Variants in EZR observed in about 807,000 individuals in gnomAD.
The protein encoded by EZR is cytovillin 2.
A neutral mutation model predicts 74.8 loss-of-function variants in EZR; 40 were observed. That is an observed-to-expected ratio of 0.53 (90% CI 0.42 to 0.70). The LOEUF (loss-of-function observed/expected upper bound fraction) is 0.70, where lower values mean the gene tolerates loss of function less well. Ranked by LOEUF, EZR falls within the 30% of genes least tolerant of loss-of-function variation. The probability of loss-of-function intolerance (pLI) is 0.00; values close to 1 mark genes in which losing one functional copy is unlikely to be tolerated. For synonymous variants in EZR, 341 were observed against 283.3 expected, an observed-to-expected ratio of 1.20 and a Z score of -2.05; for missense variants, 678 against 755.8, an observed-to-expected ratio of 0.90 and a Z score of 1.21.
chr6:158,815,470 C>CA (rs1273188506), intron 2 of EZR, among the ~76,000 whole-genome samples: 2 of 151,990 alleles, frequency 1.3e-5, no homozygotes, highest in Non-Finnish European at 2.9e-5. Context: ...GGAAGCCTCT[C>CA]AAAAAAGGGG....
At position 158,767,016 on chromosome 6, in the gene EZR, G is replaced by A. The variant is rs747173913; in HGVS notation, c.1659C>T (p.Ile553=). Residue 553 remains isoleucine, a synonymous_variant, in exon 14 of 14, where the codon ATC becomes ATT. Transcript: ENST00000367075. ...DENKRTHNDI[I]HNENMRQGRD... ...GGCCTTGCCTCATGTTCTCGTTGTG[G>A]ATGATGTCATTGTGGGTCCTCTTAT... 7 of 1,614,200 alleles carry A rather than the reference G, an allele frequency of 4.3e-6. No homozygotes were observed. The South Asian group carries it at 6.6e-5, about 15-fold the overall frequency.
Position 158,818,001 on chromosome 6 carries a change from T to C in EZR, c.12+81A>G, listed in dbSNP as rs1389753943. ...GAGAAGAACCCTGTTCCCCAGGAAC[T>C]GCCCCAACACCTCGAGCAGGTGCCT... On this transcript the variant is annotated intron_variant, in intron 2 of 13. Coordinates refer to ENST00000367075, the MANE Select transcript of EZR (RefSeq NM_001111077.2). 10 of 1,423,418 alleles carry C rather than the reference T, an allele frequency of 7.0e-6. No individual in the cohort carries two copies. In the Admixed American group the frequency reaches 1.5e-4, roughly 21 times the overall value. The allele number at this position is 1,423,418 out of a possible 1,614,324, so 88.2% of individuals were successfully genotyped here.
intron 8 of EZR, 95 bp from the exon 9 acceptor site, chr6:158,771,502 G>A: frequency 7.5e-7 from 1 of 1,336,816 alleles, no homozygotes; most frequent in Non-Finnish European, 1.0e-6. Context: ...TTTTCTAAAA[G>A]AACAAATGTA....
chr6:158,768,880 G>A (rs753119428), intron 12 of EZR, among the ~76,000 whole-genome samples: 3 of 152,326 alleles, frequency 2.0e-5, no homozygotes, highest in East Asian at 1.9e-4. Context: ...GCCTGGAGAC[G>A]TCCAAGGAGC....
intron 2 of EZR, among the ~76,000 whole-genome samples, chr6:158,809,267 G>A (rs958366401): frequency 5.9e-5 from 9 of 152,096 alleles, no homozygotes; most frequent in African/African-American, 2.2e-4. Context: ...TTCTGAATCA[G>A]GAATGGACTT....
At chr6:158,799,943 A>G (rs1185113976) in intron 2 of EZR, among the ~76,000 whole-genome samples, 2 of 152,234 alleles carry the variant, frequency 1.3e-5, no homozygotes, top group African/African-American at 2.4e-5. Context: ...TGCTCCCAGT[A>G]ACAGACTGTT....
At chr6:158,770,459 G>A (rs1038677968) in intron 10 of EZR, among the ~76,000 whole-genome samples, 7 of 152,210 alleles carry the variant, frequency 4.6e-5, no homozygotes, top group African/African-American at 1.7e-4. Flanking sequence ...CTGGGGGACT[G>A]TGGGCAAATC....
intron 2 of EZR, among the ~76,000 whole-genome samples, chr6:158,807,787 T>C (rs1777375619): frequency 6.6e-6 from 1 of 152,216 alleles, no homozygotes; most frequent in Middle Eastern, 3.2e-3. Context: ...CAGGTCTTTC[T>C]TTCAGGAGGG....
At chr6:158,809,627 T>C (rs534852418) in intron 2 of EZR, among the ~76,000 whole-genome samples, 6 of 152,366 alleles carry the variant, frequency 3.9e-5, no homozygotes, top group African/African-American at 1.2e-4. Context: ...ATTCTGTTCT[T>C]TGAGAACAAT....
chr6:158,795,480 A>T (rs952158111), intron 2 of EZR, among the ~76,000 whole-genome samples: 16 of 152,186 alleles, frequency 1.1e-4, no homozygotes, highest in Admixed American at 1.3e-4. Context: ...TTACTATACT[A>T]CAGGATGAAC....
At chr6:158,785,275 T>C (rs775795921) in intron 5 of EZR, 34 bp downstream of exon 5, 2 of 1,605,366 alleles carry the variant, frequency 1.2e-6, no homozygotes, top group Non-Finnish European at 1.7e-6. Flanking sequence ...ACGGCATGAC[T>C]GCTCCTGCCC....
At chr6:158,788,754 AT>A (rs1791651455) in intron 3 of EZR, among the ~76,000 whole-genome samples, 1 of 151,312 alleles carries the variant, frequency 6.6e-6, no homozygotes, top group Non-Finnish European at 1.5e-5. Context: ...ATTTAAAAAA[AT>A]CTTCCAATTT....
chr6:158,779,043 G>A (rs1047535705), intron 7 of EZR, among the ~76,000 whole-genome samples: 3 of 152,142 alleles, frequency 2.0e-5, no homozygotes, highest in African/African-American at 4.8e-5. Flanking sequence ...AATTGTAAAG[G>A]GAAGGATAGT....
intron 2 of EZR, among the ~76,000 whole-genome samples, chr6:158,806,094 CTA>C (rs1188520108): frequency 2.6e-5 from 4 of 152,230 alleles, no homozygotes; most frequent in African/African-American, 9.6e-5. Context: ...ACAAATCGTT[CTA>C]TGTGTTTCCA....
chr6:158,778,943 A>G (rs747597046), intron 7 of EZR, among the ~76,000 whole-genome samples: 2 of 152,192 alleles, frequency 1.3e-5, no homozygotes, highest in East Asian at 1.9e-4. Context: ...AAAAATCACA[A>G]TTTCTCAAAT....
chr6:158,812,924 C>CCCA (rs1177015891), intron 2 of EZR, among the ~76,000 whole-genome samples: 3 of 152,146 alleles, frequency 2.0e-5, no homozygotes, highest in Non-Finnish European at 4.4e-5. Flanking sequence ...CACTTCTGTT[C>CCCA]CCACCACCAC....
chr6:158,807,778 A>G (rs1777375378), intron 2 of EZR, among the ~76,000 whole-genome samples: 1 of 152,226 alleles, frequency 6.6e-6, no homozygotes, highest in Non-Finnish European at 1.5e-5. Context: ...TCTTGAAAGC[A>G]GGTCTTTCTT....
At chr6:158,767,103 T>TA in intron 13 of EZR, 25 bp from the exon 14 acceptor site, 2 of 1,613,298 alleles carry the variant, frequency 1.2e-6, no homozygotes, top group Non-Finnish European at 1.7e-6. Flanking sequence ...AGCATTGGTC[T>TA]AGTCCCTTCC....
intron 7 of EZR, among the ~76,000 whole-genome samples, chr6:158,776,812 T>TGACCCTCC (rs1403554282): frequency 1.3e-5 from 2 of 152,130 alleles, no homozygotes; most frequent in African/African-American, 4.8e-5. Flanking sequence ...CCAGGTACCT[T>TGACCCTCC]GACCCTCCCC....
Sources: gnomAD v4.1 joint callset for allele counts (sites outside exome capture counted in the v4.1 genomes callset) on GRCh38, gnomAD v4.1.1 for gene constraint, MANE v1.5 for transcripts, NCBI Gene and HGNC (gene_info 2026-07-23, HGNC 2026-07-21) for gene names.